The following SPOCK1 variants were observed in gnomAD, a reference collection of about 807,000 sequenced individuals.
SPOCK1 encodes the protein SPARC (osteonectin), cwcv and kazal like domains proteoglycan 1, also known as testican-1.
SPOCK1 carries 23 observed loss-of-function variants against 55.3 expected under a neutral mutation model. The observed-to-expected ratio is 0.42, with a 90% CI of 0.30 to 0.59. SPOCK1 has a LOEUF of 0.59. SPOCK1 is among the 20% of genes least tolerant of loss of function. The probability of loss-of-function intolerance (pLI) is 0.22; values close to 1 mark genes in which losing one functional copy is unlikely to be tolerated. For missense variants in SPOCK1, 499 were observed against 552.5 expected (o/e 0.90, Z 0.97); for synonymous variants, 226 against 221.0 (o/e 1.02, Z -0.20).
chr5:137,262,773 T>G (rs139259507), intron 3 of SPOCK1, among the ~76,000 whole-genome samples: 5 of 152,244 alleles, frequency 3.3e-5, no homozygotes, highest in Admixed American at 2.6e-4. Flanking sequence ...CATCACAACT[T>G]GGAAGGCCAC....
At chr5:137,344,452 G>T (rs1036285801) in intron 2 of SPOCK1, among the ~76,000 whole-genome samples, 5 of 152,234 alleles carry the variant, frequency 3.3e-5, no homozygotes, top group Admixed American at 3.3e-4. Flanking sequence ...AAGTGGGCTA[G>T]ATGTTCACAG....
intron 3 of SPOCK1, among the ~76,000 whole-genome samples, chr5:137,151,767 G>A (rs1754322825): frequency 6.6e-6 from 1 of 152,176 alleles, no homozygotes; most frequent in African/African-American, 2.4e-5. Context: ...AAAGTTCAAA[G>A]CTTGTTTGAG....
intron 5 of SPOCK1, 90 bp downstream of exon 5, chr5:137,112,345 G>A (rs777964523): frequency 2.3e-4 from 349 of 1,516,836 alleles, no homozygotes; most frequent in Non-Finnish European, 2.6e-4. Context: ...AGCCCACCAC[G>A]CTTCCCAAGC....
chr5:137,337,367 A>G (rs1040631959), intron 2 of SPOCK1, among the ~76,000 whole-genome samples: 12 of 152,122 alleles, frequency 7.9e-5, no homozygotes, highest in African/African-American at 2.9e-4. Context: ...AATGACCAAA[A>G]CACATTTCCA....
chr5:137,497,121 T>A (rs547966519), intron 2 of SPOCK1, among the ~76,000 whole-genome samples: 2 of 152,160 alleles, frequency 1.3e-5, no homozygotes, highest in East Asian at 3.9e-4. Flanking sequence ...TCAAATTCCC[T>A]CTCCCTGCAA....
chr5:137,494,357 C>T (rs1382852241), intron 2 of SPOCK1, among the ~76,000 whole-genome samples: 1 of 152,192 alleles, frequency 6.6e-6, no homozygotes, highest in Admixed American at 6.5e-5. Flanking sequence ...CCCAAATCCA[C>T]TCAGCCCCTG....
chr5:137,487,682 C>T (rs922463385), intron 2 of SPOCK1, among the ~76,000 whole-genome samples: 1 of 152,166 alleles, frequency 6.6e-6, no homozygotes, highest in African/African-American at 2.4e-5. Flanking sequence ...CTTTTGGAGA[C>T]AAATATGCTG....
At chr5:137,009,677 C>T (rs922641711) in intron 6 of SPOCK1, among the ~76,000 whole-genome samples, 2 of 152,162 alleles carry the variant, frequency 1.3e-5, no homozygotes, top group Non-Finnish European at 2.9e-5. Flanking sequence ...ATGCTACACA[C>T]TAACATTTTT....
intron 6 of SPOCK1, among the ~76,000 whole-genome samples, chr5:137,030,638 C>G (rs1166608600): frequency 6.6e-6 from 1 of 152,138 alleles, no homozygotes; most frequent in African/African-American, 2.4e-5. Context: ...AATGACCAGA[C>G]CATGGGAGTA....
chr5:137,136,239 T>C (rs1753981931), intron 4 of SPOCK1, among the ~76,000 whole-genome samples: 2 of 152,210 alleles, frequency 1.3e-5, no homozygotes, highest in South Asian at 4.1e-4. Context: ...TAAGCTCTTA[T>C]ATTTAGGTCT....
intron 2 of SPOCK1, among the ~76,000 whole-genome samples, chr5:137,284,603 A>G (rs1235627951): frequency 6.6e-6 from 1 of 152,238 alleles, no homozygotes; most frequent in Non-Finnish European, 1.5e-5. Context: ...AAGCCAGTCC[A>G]TGGGAAGGGC....
chr5:137,392,877 C>A (rs1162076377), intron 2 of SPOCK1, among the ~76,000 whole-genome samples: 1 of 152,112 alleles, frequency 6.6e-6, no homozygotes, highest in Admixed American at 6.5e-5. Flanking sequence ...TGCCAAATAT[C>A]ATTTTTACAT....
At chr5:137,198,529 T>C (rs1446801682) in intron 3 of SPOCK1, among the ~76,000 whole-genome samples, 1 of 152,250 alleles carries the variant, frequency 6.6e-6, no homozygotes, top group Non-Finnish European at 1.5e-5. Flanking sequence ...TCTTGTTGCA[T>C]TTTTCACTTC....
chr5:137,184,140 T>C (rs10068229), intron 3 of SPOCK1, among the ~76,000 whole-genome samples: 1 of 152,214 alleles, frequency 6.6e-6, no homozygotes, highest in South Asian at 2.1e-4. Flanking sequence ...TAAGTGTAGT[T>C]TTGCTTTCCT....
chr5:137,199,957 C>T (rs1201151882), intron 3 of SPOCK1, among the ~76,000 whole-genome samples: 1 of 152,190 alleles, frequency 6.6e-6, no homozygotes, highest in Non-Finnish European at 1.5e-5. Flanking sequence ...CTCACCAAAA[C>T]ATAGCCAGAA....
chr5:137,340,710 G>A (rs1369636415), intron 2 of SPOCK1, among the ~76,000 whole-genome samples: 3 of 152,012 alleles, frequency 2.0e-5, no homozygotes, highest in Non-Finnish European at 2.9e-5. Context: ...GCAAAAACTC[G>A]TCTCTACTAA....
At position 137,383,749 on chromosome 5, in the gene SPOCK1, A is replaced by G. The variant is rs955466498; in HGVS notation, c.186+114624T>C. On this transcript the variant is annotated intron_variant, in intron 2 of 10. Coordinates refer to ENST00000394945, the MANE Select transcript of SPOCK1 (RefSeq NM_004598.4). The stretch of plus-strand genomic sequence containing the variant: ...CCCTGTAGGCCCAGACCATCCTTGC[A>G]TTGACAGTCTTTCCACAGCTGCAGC... Among the ~76,000 whole-genome samples the G allele has an allele frequency of 2.0e-5, 3 of 152,232 alleles. 1 individual carries two copies. In the South Asian group the frequency reaches 6.2e-4, roughly 31 times the overall value.
chr5:137,166,789 C>T (rs766510902), intron 3 of SPOCK1, among the ~76,000 whole-genome samples: 4 of 151,904 alleles, frequency 2.6e-5, no homozygotes, highest in Non-Finnish European at 5.9e-5. Context: ...AGCCTCATTG[C>T]AACCTCAAAT....
chr5:137,451,579 C>A (rs1753256597), intron 2 of SPOCK1, among the ~76,000 whole-genome samples: 1 of 152,204 alleles, frequency 6.6e-6, no homozygotes, highest in Non-Finnish European at 1.5e-5. Flanking sequence ...CCCTGCAACA[C>A]CACGTAAACC....
Sources: allele counts gnomAD v4.1 joint callset (sites outside exome capture counted in the v4.1 genomes callset), GRCh38; gene constraint gnomAD v4.1.1; transcripts MANE v1.5; gene names NCBI Gene and HGNC (gene_info 2026-07-23, HGNC 2026-07-21).